Variants in LAMA2 observed in about 807,000 individuals in gnomAD.
LAMA2 encodes laminin subunit alpha-2.
A neutral mutation model predicts 364.8 loss-of-function variants in LAMA2; 269 were observed. The observed-to-expected ratio is 0.74, with a 90% confidence interval of 0.67 to 0.82. The LOEUF (loss-of-function observed/expected upper bound fraction) is 0.82, where lower values mean the gene tolerates loss of function less well. Among genes scored for constraint, LAMA2 ranks in the 40% least tolerant of loss-of-function variants. The probability of loss-of-function intolerance (pLI) is 0.00; values close to 1 mark genes in which losing one functional copy is unlikely to be tolerated. For missense variants in LAMA2, 3,807 were observed against 3,873.2 expected (o/e 0.98, Z 0.45); for synonymous variants, 1,379 against 1,370.6 (o/e 1.01, Z -0.14).
chr6:129,244,479 C>A (rs1785611289), intron 12 of LAMA2, among the ~76,000 whole-genome samples: 1 of 152,060 alleles, frequency 6.6e-6, no homozygotes, highest in Non-Finnish European at 1.5e-5. Flanking sequence ...ATTTATCCTG[C>A]TCAGTATTAT....
intron 1 of LAMA2, among the ~76,000 whole-genome samples, chr6:128,978,137 A>G (rs1486158637): frequency 1.3e-5 from 2 of 152,166 alleles, no homozygotes; most frequent in Admixed American, 6.5e-5. Context: ...ACTCATTCTT[A>G]CCTGTTAACC....
chr6:129,501,648 A>C (rs1310213106), intron 58 of LAMA2, among the ~76,000 whole-genome samples: 1 of 152,206 alleles, frequency 6.6e-6, no homozygotes, highest in Non-Finnish European at 1.5e-5. Flanking sequence ...TCACTGGGGC[A>C]GCGGCCCAGC....
intron 12 of LAMA2, among the ~76,000 whole-genome samples, chr6:129,194,124 T>A (rs1018489256): frequency 2.0e-5 from 3 of 152,100 alleles, no homozygotes; most frequent in Non-Finnish European, 4.4e-5. Context: ...GAAACTCTGG[T>A]ATTCCCAAAA....
chr6:129,442,739 C>G (rs1438149100), intron 43 of LAMA2: 1 of 376,274 alleles, frequency 2.7e-6, no homozygotes. Flanking sequence ...CTGGTAGTGG[C>G]CTTTTGTCAT....
chr6:129,194,121 T>A (rs1160906469), intron 12 of LAMA2, among the ~76,000 whole-genome samples: 2 of 152,136 alleles, frequency 1.3e-5, no homozygotes, highest in African/African-American at 4.8e-5. Flanking sequence ...TAGGAAACTC[T>A]GGTATTCCCA....
chr6:129,514,271 T>C, intron 63 of LAMA2, 102 bp from the exon 64 acceptor site: 1 of 878,674 alleles, frequency 1.1e-6, no homozygotes, highest in Non-Finnish European at 1.9e-6. Flanking sequence ...CAAATGATTC[T>C]GGCTGATGTC....
rs145319316 is a variant in LAMA2, at chr6:129,388,204, A to G, written c.5072-3287A>G. On this transcript the variant is annotated intron_variant, in intron 35 of 64. Coordinates refer to ENST00000421865, the MANE Select transcript of LAMA2 (RefSeq NM_000426.4). ...CCCAGGAGGTGCGGTCGCAGTGAGC[A>G]GAAATTGTGCCACTGCACTCCAGCC... Among the ~76,000 whole-genome samples the G allele has an allele frequency of 2.8e-3, 426 of 151,732 alleles. 3 individuals carry two copies. The highest frequency in any genetic ancestry group is 0.01 in the African/African-American group (419 of 41,402).
chr6:128,929,265 AG>A, intron 1 of LAMA2: 3 of 1,381,678 alleles, frequency 2.2e-6, no homozygotes, highest in Non-Finnish European at 3.1e-6. Context: ...TCAATGGCTA[AG>A]TTCCCGTCAT....
intron 2 of LAMA2, among the ~76,000 whole-genome samples, chr6:129,052,521 C>G (rs1220853904): frequency 6.6e-6 from 1 of 151,994 alleles, no homozygotes; most frequent in Admixed American, 6.6e-5. Context: ...GAGGAAAGTA[C>G]AGAAATTCCC....
chr6:128,902,544 A>C (rs899605285), intron 1 of LAMA2, among the ~76,000 whole-genome samples: 4 of 152,248 alleles, frequency 2.6e-5, no homozygotes, highest in African/African-American at 7.2e-5. Context: ...TGTGGGGCCA[A>C]AGTGACAAAA....
intron 40 of LAMA2, among the ~76,000 whole-genome samples, 193 bp downstream of exon 40, chr6:129,404,152 C>A (rs1209119222): frequency 6.6e-6 from 1 of 152,076 alleles, no homozygotes; most frequent in Non-Finnish European, 1.5e-5. Context: ...CTCAGTCACC[C>A]ACTACCACTG....
chr6:129,175,814 C>T (rs1338979380), intron 9 of LAMA2, among the ~76,000 whole-genome samples: 1 of 152,012 alleles, frequency 6.6e-6, no homozygotes, highest in African/African-American at 2.4e-5. Context: ...ATGTTCTGCA[C>T]ATGTATTCCA....
chr6:128,936,368 G>T (rs917190956), intron 1 of LAMA2, among the ~76,000 whole-genome samples: 1 of 151,940 alleles, frequency 6.6e-6, no homozygotes, highest in Non-Finnish European at 1.5e-5. Flanking sequence ...CTAATTTGTT[G>T]GGAGCTTTTA....
chr6:129,098,508 A>T, intron 4 of LAMA2, 93 bp downstream of exon 4: 1 of 1,419,948 alleles, frequency 7.0e-7, no homozygotes, highest in South Asian at 1.2e-5. Flanking sequence ...AATGTCAGGG[A>T]GATTTTAAAA....
chr6:129,184,763 C>CT (rs1452304493), intron 10 of LAMA2, among the ~76,000 whole-genome samples: 2 of 151,800 alleles, frequency 1.3e-5, no homozygotes, highest in African/African-American at 4.8e-5. Flanking sequence ...ACTAAGGTTG[C>CT]TTTTTCTCTA....
intron 5 of LAMA2, among the ~76,000 whole-genome samples, chr6:129,144,643 G>A (rs978481031): frequency 6.6e-6 from 1 of 151,994 alleles, no homozygotes; most frequent in African/African-American, 2.4e-5. Flanking sequence ...TCCAGGTGAT[G>A]CTGATGTTGC....
In LAMA2 at chr6:129,252,299, A is replaced by G; in HGVS notation, c.2096+4A>G. On this transcript the variant is annotated splice_donor_region_variant and intron_variant, in intron 14 of 64. Transcript: ENST00000421865. The stretch of plus-strand genomic sequence containing the variant: ...TTGGGATGGATGCCATCTTCAGGTA[A>G]AATCAAGAACTGCAGCTCCAACGTT... 1 of 1,608,924 alleles carries G rather than the reference A, an allele frequency of 6.2e-7. No homozygotes were observed. Among genetic ancestry groups the G allele is most frequent in the South Asian group, 1.1e-5 (1 of 91,016 alleles).
chr6:129,164,816 G>T (rs1779642183), intron 8 of LAMA2, among the ~76,000 whole-genome samples: 1 of 152,088 alleles, frequency 6.6e-6, no homozygotes, highest in African/African-American at 2.4e-5. Context: ...TGCAAATTTT[G>T]TGAATTGCAG....
At chr6:129,235,058 A>G (rs1272333296) in intron 12 of LAMA2, among the ~76,000 whole-genome samples, 1 of 152,226 alleles carries the variant, frequency 6.6e-6, no homozygotes, top group African/African-American at 2.4e-5. Flanking sequence ...AGATAATTTT[A>G]TAATTCAAAC....
Sources: allele counts gnomAD v4.1 joint callset (sites outside exome capture counted in the v4.1 genomes callset), GRCh38; gene constraint gnomAD v4.1.1; transcripts MANE v1.5; gene names NCBI Gene and HGNC (gene_info 2026-07-23, HGNC 2026-07-21).